EPHA6: variants seen among roughly 807,000 people sequenced by gnomAD.
EPHA6 encodes the protein EPH receptor A6.
In EPHA6, 50 loss-of-function variants were observed where a neutral mutation model predicts 112.0. The ratio of observed to expected loss-of-function variants is 0.45; its 90% confidence interval spans 0.36 to 0.56. EPHA6 has a LOEUF of 0.56. Among genes scored for constraint, EPHA6 ranks in the 20% least tolerant of loss-of-function variants. EPHA6 has a pLI of 0.00. For synonymous variants in EPHA6, 529 were observed against 490.7 expected, an observed-to-expected ratio of 1.08 and a Z score of -1.03; for missense variants, 1,280 against 1,417.4, an observed-to-expected ratio of 0.90 and a Z score of 1.56.
chr3:97,331,718 A>T (rs1432306270), intron 5 of EPHA6, among the ~76,000 whole-genome samples: 1 of 152,164 alleles, frequency 6.6e-6, no homozygotes, highest in Non-Finnish European at 1.5e-5. Context: ...CTCTGAATAG[A>T]CCAATAACAG....
At chr3:97,325,847 T>G (rs2082394247) in intron 5 of EPHA6, among the ~76,000 whole-genome samples, 1 of 152,132 alleles carries the variant, frequency 6.6e-6, no homozygotes, top group African/African-American at 2.4e-5. Flanking sequence ...CTATAAATAT[T>G]TCATTATTTT....
At chr3:97,406,822 T>C (rs1048763551) in intron 6 of EPHA6, among the ~76,000 whole-genome samples, 1 of 152,180 alleles carries the variant, frequency 6.6e-6, no homozygotes, top group Admixed American at 6.6e-5. Flanking sequence ...CTGGCCAATA[T>C]GTGCTCAGAA....
intron 5 of EPHA6, among the ~76,000 whole-genome samples, chr3:97,384,912 G>A (rs1179350088): frequency 6.6e-6 from 1 of 152,152 alleles, no homozygotes; most frequent in African/African-American, 2.4e-5. Flanking sequence ...GCAGTGATAT[G>A]CTGATGAGTG....
intron 2 of EPHA6, among the ~76,000 whole-genome samples, chr3:96,945,005 T>C (rs1374333421): frequency 6.6e-6 from 1 of 152,224 alleles, no homozygotes; most frequent in East Asian, 1.9e-4. Flanking sequence ...CTGTGTTTCT[T>C]CTACAGTTTT....
intron 1 of EPHA6, among the ~76,000 whole-genome samples, chr3:96,829,961 A>AGTG (rs1559755263): frequency 2.0e-5 from 3 of 147,382 alleles, no homozygotes; most frequent in South Asian, 2.1e-4. Flanking sequence ...ACACACACAC[A>AGTG]CACACACACA....
chr3:96,847,382 C>A (rs1307745274), intron 1 of EPHA6, among the ~76,000 whole-genome samples: 2 of 140,274 alleles, frequency 1.4e-5, no homozygotes, highest in African/African-American at 6.2e-5. Flanking sequence ...CATAGACTGA[C>A]ACGTTCATTT....
intron 3 of EPHA6, among the ~76,000 whole-genome samples, chr3:97,109,054 A>G (rs1404945017): frequency 6.6e-6 from 1 of 152,126 alleles, no homozygotes; most frequent in Non-Finnish European, 1.5e-5. Context: ...ACTTGCAACA[A>G]TCTTTTGATG....
At chr3:97,481,551 C>A in intron 9 of EPHA6, 1 of 717,634 alleles carries the variant, frequency 1.4e-6, no homozygotes, top group Admixed American at 1.9e-5. Context: ...CTAGAGCCGC[C>A]GGGGCGCGGC....
In EPHA6 at chr3:97,475,388, T is replaced by G; in HGVS notation, c.1931T>G (p.Val644Gly). The G allele has an allele frequency of 6.2e-7, 1 of 1,612,170 alleles. No individual in the cohort carries two copies. Among genetic ancestry groups the G allele is most frequent in the Non-Finnish European group, 8.5e-7 (1 of 1,178,950 alleles). The change falls in exon 8 of 18, where the codon GTG becomes GGG. Residue 644 changes from valine (V) to glycine (G), a missense_variant. Physicochemically the swap from Val to Gly is moderately radical, Grantham distance 109. This residue lies in a region of EPHA6 where 878 missense variants were observed against 999.7 expected (regional missense o/e 0.88). Coordinates refer to ENST00000389672, the MANE Select transcript of EPHA6 (RefSeq NM_001080448.3). ...DMAAEQGQILVIATAAVGGFT... is the reference protein window; with the variant it reads ...DMAAEQGQILGIATAAVGGFT... ...GCAGCAGAACAAGGACAGATTCTCGTGATAGCCACCGCCGCTGTTGGCGGA... is the reference window on the plus strand; with the variant it reads ...GCAGCAGAACAAGGACAGATTCTCGGGATAGCCACCGCCGCTGTTGGCGGA...
intron 14 of EPHA6, among the ~76,000 whole-genome samples, chr3:97,716,185 C>T (rs1212199541): frequency 6.6e-6 from 1 of 152,114 alleles, no homozygotes; most frequent in Non-Finnish European, 1.5e-5. Context: ...AGTGCATTAC[C>T]TCTGTATATG....
Position 97,747,525 on chromosome 3 carries a change from G to A in EPHA6, c.3231G>A (p.Val1077=), listed in dbSNP as rs370836538. The A allele has an allele frequency of 8.7e-6, 14 of 1,610,640 alleles. No homozygotes were observed. In the African/African-American group the frequency reaches 1.7e-4, roughly 20 times the overall value. The part of the protein sequence containing the change: ...IKMGQYKNNF[V]AAGFTTFDLI... ...TGGGGCAATACAAGAATAACTTCGT[G>A]GCAGCAGGGTTTACAACATTTGACC... is the stretch of plus-strand genomic sequence containing the variant. The change falls in exon 17 of 18, where the codon GTG becomes GTA. Residue 1077 remains valine, a synonymous_variant. Transcript: ENST00000389672.
intron 3 of EPHA6, among the ~76,000 whole-genome samples, chr3:97,030,412 G>A (rs1375170707): frequency 6.6e-6 from 1 of 152,066 alleles, no homozygotes; most frequent in African/African-American, 2.4e-5. Context: ...TGGTGTTCCA[G>A]GTAGCAATTC....
chr3:97,210,643 T>G (rs1246364288), intron 3 of EPHA6, among the ~76,000 whole-genome samples: 1 of 152,138 alleles, frequency 6.6e-6, no homozygotes, highest in Non-Finnish European at 1.5e-5. Context: ...GAATTATAGG[T>G]TAGAATGGAC....
intron 1 of EPHA6, among the ~76,000 whole-genome samples, chr3:96,839,806 C>T (rs1459766897): frequency 6.6e-6 from 1 of 151,952 alleles, no homozygotes; most frequent in Non-Finnish European, 1.5e-5. Context: ...GTTGTAGATA[C>T]TTACTAGGCA....
chr3:97,055,721 A>G (rs932311237), intron 3 of EPHA6, among the ~76,000 whole-genome samples: 5 of 152,162 alleles, frequency 3.3e-5, no homozygotes, highest in East Asian at 1.9e-4. Flanking sequence ...TTTCAAGACT[A>G]TAAGTATATT....
In EPHA6 at chr3:97,047,877, G is replaced by A. The variant is rs149238257; in HGVS notation, c.1114+59884G>A. On this transcript the variant is annotated intron_variant, in intron 3 of 17. Transcript: ENST00000389672. ...AATGCTGTAGTTGATGTCGATTTGAGCAAGACATTTGGCAGTCATTCACAA... is the reference window on the plus strand; with the variant it reads ...AATGCTGTAGTTGATGTCGATTTGAACAAGACATTTGGCAGTCATTCACAA... 6.6e-3 allele frequency among the ~76,000 whole-genome samples: 1,002 copies of A among 152,142 alleles called. 8 individuals are homozygous for A. Among genetic ancestry groups the A allele is most frequent in the Non-Finnish European group, 0.011 (740 of 67,956 alleles).
At chr3:97,382,038 T>G (rs923512577) in intron 5 of EPHA6, among the ~76,000 whole-genome samples, 1 of 152,084 alleles carries the variant, frequency 6.6e-6, no homozygotes, top group Non-Finnish European at 1.5e-5. Context: ...CAATGTCAAA[T>G]GGGATTTTAC....
Position 97,334,834 on chromosome 3 carries a change from C to G in EPHA6, c.1607-70316C>G, listed in dbSNP as rs545081898. On this transcript the variant is annotated intron_variant, in intron 5 of 17. Coordinates refer to ENST00000389672, the MANE Select transcript of EPHA6 (RefSeq NM_001080448.3). ...ACAGCTTTTTGCTTAAGTGATTTCT[C>G]TACTGTTTTTCAGTTTTCTGTTGTC... Among the ~76,000 whole-genome samples the G allele has an allele frequency of 4.6e-5, 7 of 152,184 alleles. No homozygotes were observed. In the South Asian group the frequency reaches 1.2e-3, roughly 27 times the overall value.
intron 10 of EPHA6, among the ~76,000 whole-genome samples, chr3:97,491,110 A>G (rs1345312583): frequency 6.6e-6 from 1 of 152,202 alleles, no homozygotes; most frequent in Non-Finnish European, 1.5e-5. Context: ...TGGAAGTGAC[A>G]GCAAATTACC....
Sources: gnomAD v4.1 joint callset for allele counts (sites outside exome capture counted in the v4.1 genomes callset) on GRCh38, gnomAD v4.1.1 for gene constraint, gnomAD v4.1.1 regional missense constraint, MANE v1.5 for transcripts, NCBI Gene and HGNC (gene_info 2026-07-23, HGNC 2026-07-21) for gene names.